Variants in ATP13A5 observed in about 807,000 individuals in gnomAD.
ATP13A5 encodes the protein probable cation-transporting ATPase 13A5.
ATP13A5 carries 149 observed loss-of-function variants against 150.2 expected under a neutral mutation model. The observed-to-expected ratio is 0.99, with a 90% CI of 0.87 to 1.14. The LOEUF is 1.14. Among genes scored for constraint, ATP13A5 ranks in the 50% most tolerant of loss-of-function variants. ATP13A5 has a pLI of 0.00. For synonymous variants in ATP13A5, 497 were observed against 522.2 expected (o/e 0.95, Z 0.66); for missense variants, 1,383 against 1,449.3 (o/e 0.95, Z 0.74).
At chr3:193,320,549 A>C (rs1719224609) in intron 16 of ATP13A5, among the ~76,000 whole-genome samples, 1 of 152,230 alleles carries the variant, frequency 6.6e-6, no homozygotes, top group African/African-American at 2.4e-5. Flanking sequence ...GTGTAACTGA[A>C]ACAAAACAAA....
chr3:193,340,624 C>T (rs530895400), intron 9 of ATP13A5, among the ~76,000 whole-genome samples: 13 of 152,198 alleles, frequency 8.5e-5, no homozygotes, highest in African/African-American at 1.9e-4. Flanking sequence ...AAGGGGATTG[C>T]GGCAGAGTGC....
rs1054792815 is a variant in ATP13A5, at chr3:193,274,859, A to T, written c.*183T>A. ...AATGCATTTTTTTCTCTCATTGGTA[A>T]AGCATACAGTCAGAATAAGCCTATC... On this transcript the variant is annotated 3_prime_UTR_variant, in exon 30 of 30. Coordinates refer to ENST00000342358, the MANE Select transcript of ATP13A5 (RefSeq NM_198505.4). 11 of 753,480 alleles carry T rather than the reference A, an allele frequency of 1.5e-5. No homozygotes were observed. The highest frequency in any genetic ancestry group is 2.4e-5 in the Non-Finnish European group (11 of 463,062). The allele number at this position is 753,480 out of a possible 1,614,324, so 46.7% of individuals were successfully genotyped here. A position where few individuals can be genotyped will look rare whatever the true frequency, so the allele number is the denominator to read the frequency against.
intron 19 of ATP13A5, chr3:193,313,598 C>T (rs1452481595): frequency 6.2e-6 from 1 of 160,498 alleles, no homozygotes; most frequent in Non-Finnish European, 1.4e-5. Context: ...AGTCTGCTTT[C>T]CTGCTCTGCA....
chr3:193,312,337 C>T (rs534191943), intron 19 of ATP13A5, among the ~76,000 whole-genome samples: 1 of 152,274 alleles, frequency 6.6e-6, no homozygotes, highest in Admixed American at 6.5e-5. Context: ...TCCAAAATCA[C>T]CCTCATTGTC....
At chr3:193,376,438 C>T (rs767718595) in intron 1 of ATP13A5, among the ~76,000 whole-genome samples, 3 of 152,170 alleles carry the variant, frequency 2.0e-5, no homozygotes, top group Non-Finnish European at 4.4e-5. Flanking sequence ...TCTTGAACTT[C>T]TGGCCTCAAG....
chr3:193,278,599 C>T (rs186236558), intron 28 of ATP13A5, among the ~76,000 whole-genome samples: 2 of 152,246 alleles, frequency 1.3e-5, no homozygotes, highest in East Asian at 3.9e-4. Context: ...TGGGAATATC[C>T]CTACCTCCTA....
chr3:193,284,765 C>T (rs1717646323), intron 27 of ATP13A5, 149 bp downstream of exon 27: 1 of 658,460 alleles, frequency 1.5e-6, no homozygotes, highest in Non-Finnish European at 2.5e-6. Flanking sequence ...GTGGGCTCTA[C>T]CAACGATGAC....
At chr3:193,371,310 A>G (rs141131744) in intron 1 of ATP13A5, among the ~76,000 whole-genome samples, 48 of 152,344 alleles carry the variant, frequency 3.2e-4, no homozygotes, top group Middle Eastern at 3.4e-3. Context: ...ATGAGCATCT[A>G]TCGTCTGCTT....
intron 1 of ATP13A5, 106 bp downstream of exon 1, chr3:193,378,557 A>C: frequency 9.6e-7 from 1 of 1,036,682 alleles, no homozygotes; most frequent in Non-Finnish European, 1.5e-6. Context: ...TCAAGGTCCT[A>C]AAGCCTGAAG....
intron 1 of ATP13A5, among the ~76,000 whole-genome samples, chr3:193,378,120 G>GA (rs1713707594): frequency 2.6e-5 from 4 of 151,756 alleles, no homozygotes; most frequent in Admixed American, 6.6e-5. Flanking sequence ...CAAGAGTGGG[G>GA]AAAAAATTGG....
intron 27 of ATP13A5, among the ~76,000 whole-genome samples, chr3:193,280,906 C>A (rs983315585): frequency 1.3e-4 from 20 of 152,094 alleles, no homozygotes; most frequent in African/African-American, 4.6e-4. Context: ...TCTCTACAGG[C>A]CTATACCAAC....
intron 23 of ATP13A5, among the ~76,000 whole-genome samples, chr3:193,304,217 C>T (rs2108843152): frequency 6.6e-6 from 1 of 152,218 alleles, no homozygotes; most frequent in South Asian, 2.1e-4. Flanking sequence ...AGGGTCTGAA[C>T]CTCAATGGCA....
At chr3:193,312,187 G>GTA (rs1718881029) in intron 19 of ATP13A5, among the ~76,000 whole-genome samples, 1 of 152,200 alleles carries the variant, frequency 6.6e-6, no homozygotes, top group African/African-American at 2.4e-5. Context: ...GAGATAATAT[G>GTA]TATGATGTCA....
At chr3:193,300,331 A>G (rs1264752389) in intron 24 of ATP13A5, among the ~76,000 whole-genome samples, 3 of 152,182 alleles carry the variant, frequency 2.0e-5, no homozygotes, top group Admixed American at 2.0e-4. Context: ...GCTTCCCAGA[A>G]GCAGGTTTTG....
At chr3:193,282,970 T>G (rs1231370784) in intron 27 of ATP13A5, among the ~76,000 whole-genome samples, 3 of 152,164 alleles carry the variant, frequency 2.0e-5, no homozygotes, top group African/African-American at 7.2e-5. Context: ...TTGCCACTTA[T>G]TAAATAAAAC....
At chr3:193,346,493 T>A (rs544055955) in intron 7 of ATP13A5, among the ~76,000 whole-genome samples, 1 of 152,248 alleles carries the variant, frequency 6.6e-6, no homozygotes, top group African/African-American at 2.4e-5. Context: ...TACTGCCTCT[T>A]CCTGTTTGGA....
chr3:193,317,400 C>A (rs1719089880), intron 17 of ATP13A5, among the ~76,000 whole-genome samples: 2 of 152,138 alleles, frequency 1.3e-5, no homozygotes, highest in Middle Eastern at 3.2e-3. Flanking sequence ...TTCATGAGGA[C>A]AAGGATTTTA....
chr3:193,302,124 C>T (rs984857345), intron 23 of ATP13A5, among the ~76,000 whole-genome samples: 2 of 152,086 alleles, frequency 1.3e-5, no homozygotes, highest in African/African-American at 2.4e-5. Context: ...CCACATGGGA[C>T]GTGACCCACA....
At chr3:193,331,334 A>G (rs1410468333) in intron 11 of ATP13A5, 23 bp from the exon 12 acceptor site, 1 of 1,605,602 alleles carries the variant, frequency 6.2e-7, no homozygotes, top group Non-Finnish European at 8.5e-7. Flanking sequence ...AGACATTTTC[A>G]TACAGGATAG....
Sources: gnomAD v4.1 joint callset for allele counts (sites outside exome capture counted in the v4.1 genomes callset) on GRCh38, gnomAD v4.1.1 for gene constraint, MANE v1.5 for transcripts, NCBI Gene and HGNC (gene_info 2026-07-23, HGNC 2026-07-21) for gene names.